Variants in MVK observed in about 807,000 individuals in gnomAD.
The protein encoded by MVK is mevalonate kinase, also known as LH receptor mRNA-binding protein.
A neutral mutation model predicts 43.2 loss-of-function variants in MVK; 34 were observed. The observed-to-expected ratio is 0.79, with a 90% CI of 0.60 to 1.05. MVK has a LOEUF of 1.05. MVK is among the 50% of genes least tolerant of loss of function. MVK has a pLI of 0.00. For missense variants in MVK, 395 were observed against 504.0 expected (o/e 0.78, Z 2.07); for synonymous variants, 190 against 219.8 (o/e 0.86, Z 1.20).
rs104895357 is a variant in MVK, at chr12:109,595,147, C to T, written c.1005C>T (p.Gly335=). 57 of 1,613,950 alleles carry T rather than the reference C, an allele frequency of 3.5e-5. No individual in the cohort carries two copies. The highest frequency in any genetic ancestry group is 6.6e-5 in the South Asian group (6 of 91,090). ...TTCACAGCAAGCTGACTGGCGCAGG[C>T]GGTGGTGGCTGTGGCATCACACTCC... The part of the protein sequence containing the change: ...RGLHSKLTGA[G]GGGCGITLLK... The change falls in exon 10 of 11, where the codon GGC becomes GGT. Residue 335 remains glycine, a synonymous_variant. Coordinates refer to ENST00000228510, the MANE Select transcript of MVK (RefSeq NM_000431.4). This position sits in a 1 kb window ranked among gnomAD's most constrained non-coding sequence, Gnocchi z 5.9.
intron 3 of MVK, among the ~76,000 whole-genome samples, chr12:109,576,840 C>T (rs1166541302): frequency 2.7e-5 from 4 of 147,546 alleles, no homozygotes; most frequent in African/African-American, 1.0e-4. Context: ...CATTGCACTC[C>T]AGCCTGGGGG....
chr12:109,574,151 C>A (rs1282402671), intron 1 of MVK, among the ~76,000 whole-genome samples: 2 of 152,164 alleles, frequency 1.3e-5, no homozygotes, highest in African/African-American at 4.8e-5. Flanking sequence ...AAGCCTTAAG[C>A]GGAGGATAAT....
At chr12:109,590,076 CA>C (rs922164405) in intron 7 of MVK, 2 of 160,014 alleles carry the variant, frequency 1.2e-5, no homozygotes, top group Non-Finnish European at 2.8e-5. Context: ...TGAGGTAGGG[CA>C]AGAATGGGCT....
intron 5 of MVK, 26 bp from the exon 6 acceptor site, chr12:109,585,996 G>A: frequency 6.3e-7 from 1 of 1,599,754 alleles, no homozygotes; most frequent in Non-Finnish European, 8.6e-7. Context: ...CACTGCCACA[G>A]TAAAGATGAA....
chr12:109,578,823 G>A (rs895870222), intron 3 of MVK, among the ~76,000 whole-genome samples: 1 of 152,188 alleles, frequency 6.6e-6, no homozygotes, highest in Non-Finnish European at 1.5e-5. Context: ...GAGGCTCAGC[G>A]AGTGATTTGT....
chr12:109,581,103 G>A (rs1885195150), intron 4 of MVK, among the ~76,000 whole-genome samples: 1 of 152,204 alleles, frequency 6.6e-6, no homozygotes, highest in African/African-American at 2.4e-5. Flanking sequence ...CCTAGCATGT[G>A]GGCACAGGAA....
intron 1 of MVK, 31 bp from the exon 2 acceptor site, chr12:109,574,778 C>A: frequency 6.5e-7 from 1 of 1,530,544 alleles, no homozygotes; most frequent in Non-Finnish European, 8.9e-7. Flanking sequence ...ATCTAGAGAT[C>A]TTTGCTCTTC....
chr12:109,585,995 A>G, intron 5 of MVK, 27 bp from the exon 6 acceptor site: 1 of 1,595,426 alleles, frequency 6.3e-7, no homozygotes, highest in Non-Finnish European at 8.6e-7. Context: ...TCACTGCCAC[A>G]GTAAAGATGA....
chr12:109,576,232 C>CA, intron 3 of MVK, 87 bp downstream of exon 3: 1 of 1,546,192 alleles, frequency 6.5e-7, no homozygotes, highest in Non-Finnish European at 8.9e-7. Context: ...CCAAGGGAGC[C>CA]AGGGGCCAGC....
At chr12:109,574,294 T>C (rs917718316) in intron 1 of MVK, among the ~76,000 whole-genome samples, 3 of 152,202 alleles carry the variant, frequency 2.0e-5, no homozygotes, top group African/African-American at 7.2e-5. Context: ...TGCAGCCTTG[T>C]TTATAATTGT....
At chr12:109,594,976 G>T in intron 9 of MVK, 52 bp from the exon 10 acceptor site, 2 of 1,609,288 alleles carry the variant, frequency 1.2e-6, no homozygotes, top group South Asian at 1.1e-5. Flanking sequence ...GTGGGCATAG[G>T]ACCTTGGCCT....
At chr12:109,590,640 A>G (rs1566150152) in intron 7 of MVK, 131 bp from the exon 8 acceptor site, 3 of 796,822 alleles carry the variant, frequency 3.8e-6, no homozygotes, top group Non-Finnish European at 4.3e-6. Flanking sequence ...TGCTCCCCCA[A>G]TCCAGTGTCA....
At chr12:109,596,052 C>T (rs576031457) in intron 10 of MVK, among the ~76,000 whole-genome samples, 10 of 151,296 alleles carry the variant, frequency 6.6e-5, no homozygotes, top group African/African-American at 1.9e-4. Flanking sequence ...ACTTTACCTG[C>T]GTTATTTCCT....
chr12:109,588,348 T>C (rs1477158193), intron 7 of MVK: 1 of 152,260 alleles, frequency 6.6e-6, no homozygotes, highest in Non-Finnish European at 1.5e-5. Context: ...CTTCAGTGTC[T>C]CCTGAGAGCC....
chr12:109,587,507 G>A (rs751827793), intron 7 of MVK, among the ~76,000 whole-genome samples: 1 of 152,244 alleles, frequency 6.6e-6, no homozygotes, highest in Non-Finnish European at 1.5e-5. Flanking sequence ...TGGCAGAGGG[G>A]AGCCAGGTGC....
At chr12:109,590,528 A>C in intron 7 of MVK, 1 of 564,650 alleles carries the variant, frequency 1.8e-6, no homozygotes, top group South Asian at 1.9e-5. Flanking sequence ...TGTAGGTCCC[A>C]GTTGAAGTTG....
chr12:109,584,595 G>A (rs1378562556), intron 5 of MVK, among the ~76,000 whole-genome samples: 1 of 152,154 alleles, frequency 6.6e-6, no homozygotes, highest in Non-Finnish European at 1.5e-5. Context: ...CTCCAAAAAG[G>A]GCTCACTGGC....
intron 9 of MVK, among the ~76,000 whole-genome samples, chr12:109,591,564 G>A (rs957977287): frequency 2.0e-5 from 3 of 152,236 alleles, no homozygotes; most frequent in African/African-American, 7.2e-5. Context: ...GGGTGATTCC[G>A]AGTAATTGGG....
chr12:109,590,570 A>C (rs933338037), intron 7 of MVK: 12 of 632,656 alleles, frequency 1.9e-5, no homozygotes, highest in Non-Finnish European at 3.1e-5. Flanking sequence ...CCAAGGGAGA[A>C]TGGCCACCCA....
Sources: gnomAD v4.1 joint callset for allele counts (sites outside exome capture counted in the v4.1 genomes callset) on GRCh38, gnomAD v4.1.1 for gene constraint, Gnocchi (gnomAD v3.1) non-coding constraint, MANE v1.5 for transcripts, NCBI Gene and HGNC (gene_info 2026-07-23, HGNC 2026-07-21) for gene names.